The following FBN2 variants were observed in gnomAD, a reference collection of about 807,000 sequenced individuals.
The protein encoded by FBN2 is fibrillin 2.
A neutral mutation model predicts 355.6 loss-of-function variants in FBN2; 105 were observed. The ratio of observed to expected loss-of-function variants is 0.30; its 90% CI spans 0.25 to 0.35. The LOEUF (loss-of-function observed/expected upper bound fraction) is 0.35. FBN2 is among the 10% of genes least tolerant of loss of function. FBN2 has a pLI of 1.00. For missense variants in FBN2, 3,280 were observed against 3,758.7 expected, an observed-to-expected ratio of 0.87 and a Z score of 3.33; for synonymous variants, 1,350 against 1,301.2, an observed-to-expected ratio of 1.04 and a Z score of -0.81.
chr5:128,403,122 C>T (rs1752839526), intron 8 of FBN2, among the ~76,000 whole-genome samples: 1 of 152,086 alleles, frequency 6.6e-6, no homozygotes, highest in South Asian at 2.1e-4. Flanking sequence ...GTGGAATCAA[C>T]AGCCAGCGTT....
intron 11 of FBN2, among the ~76,000 whole-genome samples, chr5:128,384,248 A>C (rs934952050): frequency 2.0e-5 from 3 of 152,124 alleles, no homozygotes; most frequent in Admixed American, 2.0e-4. Context: ...AGTAATGTAC[A>C]GTGACTAATC....
chr5:128,386,313 T>G (rs1385726325), intron 11 of FBN2, among the ~76,000 whole-genome samples: 1 of 152,184 alleles, frequency 6.6e-6, no homozygotes, highest in Non-Finnish European at 1.5e-5. Flanking sequence ...GTTGACTTTG[T>G]CAGAGATCAA....
At chr5:128,496,225 T>C (rs1257560278) in intron 5 of FBN2, among the ~76,000 whole-genome samples, 4 of 151,684 alleles carry the variant, frequency 2.6e-5, no homozygotes, top group Non-Finnish European at 5.9e-5. Flanking sequence ...TACAAAGATA[T>C]CAAAAGAAAA....
intron 6 of FBN2, among the ~76,000 whole-genome samples, chr5:128,457,109 C>T (rs192819995): frequency 1.4e-4 from 21 of 152,182 alleles, no homozygotes; most frequent in East Asian, 1.4e-3. Context: ...GGAACATAAA[C>T]GACCTAAGGG....
At chr5:128,291,769 T>A in intron 48 of FBN2, 115 bp from the exon 49 acceptor site, 1 of 1,020,106 alleles carries the variant, frequency 9.8e-7, no homozygotes, top group South Asian at 1.3e-5. Context: ...TTACGTTGTA[T>A]GTTTAACTTA....
chr5:128,310,390 ATATATATATATATTTTTTTTT>A (rs1314098954), intron 39 of FBN2, among the ~76,000 whole-genome samples: 153 of 30,006 alleles, frequency 5.1e-3, no homozygotes, highest in African/African-American at 0.019. Context: ...ATATATATAT[ATATATATATATATTTTTTTTT>A]TTTTTTTTTT....
chr5:128,395,745 T>A (rs1752634154), intron 8 of FBN2, among the ~76,000 whole-genome samples: 1 of 152,148 alleles, frequency 6.6e-6, no homozygotes, highest in Non-Finnish European at 1.5e-5. Context: ...AAGAAGAGAA[T>A]GTGCTTCATG....
chr5:128,359,604 C>T (rs1751587104), intron 19 of FBN2, among the ~76,000 whole-genome samples: 1 of 152,030 alleles, frequency 6.6e-6, no homozygotes, highest in Non-Finnish European at 1.5e-5. Context: ...TCTTTATTTA[C>T]ATAACATGAA....
intron 6 of FBN2, among the ~76,000 whole-genome samples, chr5:128,447,816 C>A (rs1490666839): frequency 1.3e-5 from 2 of 152,222 alleles, no homozygotes; most frequent in Admixed American, 1.3e-4. Context: ...TTTAAAATTT[C>A]TCTCTTTTGT....
At chr5:128,482,997 G>A (rs1755238246) in intron 5 of FBN2, among the ~76,000 whole-genome samples, 1 of 152,136 alleles carries the variant, frequency 6.6e-6, no homozygotes. Flanking sequence ...TATACATCAT[G>A]AAATACTACA....
intron 7 of FBN2, among the ~76,000 whole-genome samples, chr5:128,437,807 TAGATAGATAGATAGAC>T (rs1224828650): frequency 1.9e-4 from 28 of 144,522 alleles, no homozygotes; most frequent in Admixed American, 3.4e-4. Flanking sequence ...GATAGATAGA[TAGATAGATAGATAGAC>T]AGACAGACAG....
At chr5:128,411,119 G>C (rs1015790640) in intron 7 of FBN2, among the ~76,000 whole-genome samples, 2 of 152,100 alleles carry the variant, frequency 1.3e-5, no homozygotes, top group Admixed American at 6.5e-5. Context: ...CTTTGCTGGA[G>C]GGGAGCACAC....
intron 41 of FBN2, among the ~76,000 whole-genome samples, chr5:128,308,507 A>T (rs911304881): frequency 6.6e-6 from 1 of 152,192 alleles, no homozygotes; most frequent in East Asian, 1.9e-4. Context: ...TAACAAATGC[A>T]TAATCACTGT....
chr5:128,476,415 GA>G (rs1755006733), intron 5 of FBN2, among the ~76,000 whole-genome samples: 1 of 151,550 alleles, frequency 6.6e-6, no homozygotes, highest in African/African-American at 2.4e-5. Flanking sequence ...AAAATGAGTA[GA>G]AAATAAACAG....
At chr5:128,412,192 A>G (rs189099309) in intron 7 of FBN2, among the ~76,000 whole-genome samples, 5 of 152,338 alleles carry the variant, frequency 3.3e-5, no homozygotes, top group Non-Finnish European at 5.9e-5. Flanking sequence ...AATAGCTGTC[A>G]TATCTGAAGT....
chr5:128,461,486 C>T (rs371309382), intron 6 of FBN2, among the ~76,000 whole-genome samples: 46 of 152,160 alleles, frequency 3.0e-4, no homozygotes, highest in African/African-American at 1.0e-3. Flanking sequence ...TTTGACCCAG[C>T]AATCCCATTA....
chr5:128,298,196 C>G (rs1034312922), intron 48 of FBN2, among the ~76,000 whole-genome samples: 1 of 151,828 alleles, frequency 6.6e-6, no homozygotes, highest in African/African-American at 2.4e-5. Context: ...GAGTTTCTGC[C>G]GAGAGATCCG....
intron 5 of FBN2, among the ~76,000 whole-genome samples, chr5:128,480,083 A>G (rs1755136511): frequency 7.0e-6 from 1 of 141,886 alleles, no homozygotes; most frequent in Admixed American, 7.4e-5. Context: ...TTCTCTATAT[A>G]TAATATATAT....
At chr5:128,443,163 T>C (rs1162880523) in intron 7 of FBN2, among the ~76,000 whole-genome samples, 3 of 152,206 alleles carry the variant, frequency 2.0e-5, no homozygotes, top group Admixed American at 6.5e-5. Flanking sequence ...AGAGGAACCA[T>C]GACACAGAAG....
Sources: gnomAD v4.1 joint callset for allele counts (sites outside exome capture counted in the v4.1 genomes callset) on GRCh38, gnomAD v4.1.1 for gene constraint, MANE v1.5 for transcripts, NCBI Gene and HGNC (gene_info 2026-07-23, HGNC 2026-07-21) for gene names.